Variants in P2RX5 observed in about 807,000 individuals in gnomAD.
The protein encoded by P2RX5 is purinergic receptor P2X 5, also known as P2X purinoceptor 5.
In P2RX5, 46 loss-of-function variants were observed where a neutral mutation model predicts 54.1. That is an observed-to-expected ratio of 0.85 (90% CI 0.67 to 1.09). The LOEUF is 1.09. Ranked by LOEUF, P2RX5 falls within the 50% of genes least tolerant of loss-of-function variation. The pLI is 0.00. For synonymous variants in P2RX5, 226 were observed against 226.4 expected (o/e 1.00, Z 0.02); for missense variants, 566 against 549.8 (o/e 1.03, Z -0.29).
At chr17:3,719,248 AAAAAAAAAG>A in the P2RX5 span, among the ~76,000 whole-genome samples, 11 of 145,664 alleles carry the variant, frequency 7.6e-5, 1 homozygote, top group African/African-American at 2.3e-4. Context: ...AAAAAAAAAA[AAAAAAAAAG>A]AAAAGAAAAG....
At chr17:3,712,717 C>T in the P2RX5 span, among the ~76,000 whole-genome samples, 93 of 152,260 alleles carry the variant, frequency 6.1e-4, 1 homozygote, top group African/African-American at 1.9e-3. Flanking sequence ...GAGCCTGAGG[C>T]GGGTGGATCA....
chr17:3,684,779 C>T (rs1158321131), intron 9 of P2RX5, among the ~76,000 whole-genome samples: 1 of 152,074 alleles, frequency 6.6e-6, no homozygotes, highest in African/African-American at 2.4e-5. Flanking sequence ...AATTCTCCCA[C>T]CCAAAAAGTC....
chr17:3,674,110 C>G (rs1024413727), intron 11 of P2RX5, among the ~76,000 whole-genome samples: 4 of 152,054 alleles, frequency 2.6e-5, no homozygotes, highest in Admixed American at 2.6e-4. Flanking sequence ...GTCAGGAGAT[C>G]GAGACCATCC....
chr17:3,705,702 A>G, the P2RX5 span, among the ~76,000 whole-genome samples: 2 of 152,208 alleles, frequency 1.3e-5, no homozygotes, highest in African/African-American at 4.8e-5. Flanking sequence ...GAACGAATGA[A>G]TGAAATTTCT....
upstream of P2RX5, among the ~76,000 whole-genome samples, chr17:3,700,512 G>A (rs1342414795): frequency 6.7e-6 from 1 of 149,414 alleles, no homozygotes; most frequent in African/African-American, 2.5e-5. Flanking sequence ...CAGCCTGGGC[G>A]ACAGAGTGAG....
intron 11 of P2RX5, among the ~76,000 whole-genome samples, chr17:3,675,145 T>C (rs2142994145): frequency 6.6e-6 from 1 of 152,260 alleles, no homozygotes; most frequent in Middle Eastern, 3.4e-3. Context: ...GTTCAAGCAA[T>C]TCTCCTGCCT....
the P2RX5 span, among the ~76,000 whole-genome samples, chr17:3,719,079 T>A: frequency 4.1e-5 from 6 of 146,354 alleles, no homozygotes; most frequent in Non-Finnish European, 7.4e-5. Context: ...TTAAAAAAAA[T>A]AAATAAATTA....
the P2RX5 span, among the ~76,000 whole-genome samples, chr17:3,709,693 TCACGAGGTCAG>T: frequency 6.6e-6 from 1 of 152,018 alleles, no homozygotes; most frequent in Non-Finnish European, 1.5e-5. Flanking sequence ...GGTGGGTGGA[TCACGAGGTCAG>T]GAGTTCGAGA....
chr17:3,688,813 C>T (rs1410430660), intron 7 of P2RX5, 54 bp from the exon 8 acceptor site: 10 of 1,600,480 alleles, frequency 6.2e-6, no homozygotes, highest in Non-Finnish European at 7.7e-6. Flanking sequence ...AGACGGACAG[C>T]ATCCCAGGCC....
intron 10 of P2RX5, among the ~76,000 whole-genome samples, chr17:3,680,933 A>ACCTAGTG (rs2050257829): frequency 1.0e-5 from 1 of 97,610 alleles, no homozygotes; most frequent in Non-Finnish European, 2.1e-5. Context: ...TCCACCCTGC[A>ACCTAGTG]TCCTCCACCC....
At chr17:3,703,715 G>T in the P2RX5 span, among the ~76,000 whole-genome samples, 1 of 152,032 alleles carries the variant, frequency 6.6e-6, no homozygotes, top group African/African-American at 2.4e-5. Context: ...TGGTGAGGGT[G>T]AAATAACACC....
chr17:3,701,711 A>AT, the P2RX5 span, among the ~76,000 whole-genome samples: 11 of 149,400 alleles, frequency 7.4e-5, no homozygotes, highest in Middle Eastern at 3.4e-3. Context: ...AAAAAAAAAA[A>AT]AAAAAAAAGG....
chr17:3,712,459 G>A, the P2RX5 span, among the ~76,000 whole-genome samples: 6 of 152,180 alleles, frequency 3.9e-5, no homozygotes, highest in Admixed American at 3.9e-4. Flanking sequence ...GTGTGAGGCA[G>A]GCAGAGGAGG....
At position 3,679,771 on chromosome 17, in the gene P2RX5, T is replaced by A; in HGVS notation, c.1078A>T (p.Ser360Cys). The stretch of plus-strand genomic sequence containing the variant: ...GCCTCGTCCTCGGCCTCCTGGGAAC[T>A]GTCTTCTAGGCCCCTGGACAAGATA... ...KYEEVRGLED[S>C]SQEAEDEASG... Residue 360 changes from serine to cysteine, a missense_variant, in exon 11 of 12, where the codon AGT (serine) becomes TGT (cysteine). By Grantham distance (112) the Ser-to-Cys change is moderately radical (BLOSUM62 -1). Coordinates refer to ENST00000225328, the MANE Select transcript of P2RX5 (RefSeq NM_002561.4). The A allele has an allele frequency of 6.2e-7, 1 of 1,610,566 alleles. No homozygotes were observed. The highest frequency in any genetic ancestry group is 8.5e-7 in the Non-Finnish European group (1 of 1,179,760).
chr17:3,723,207 C>T, the P2RX5 span: 1 of 975,840 alleles, frequency 1.0e-6, no homozygotes, highest in East Asian at 2.4e-5. Flanking sequence ...ACATGTTATG[C>T]AAAGATGCTA....
At position 3,691,748 on chromosome 17, in the gene P2RX5, G is replaced by A. The variant is rs1206341255; in HGVS notation, c.184C>T (p.Leu62=). The change falls in exon 2 of 12, where the codon CTG becomes TTG. Residue 62 remains leucine, a synonymous_variant. Transcript: ENST00000225328. ...KKGYQDVDTS[L]QSAVITKVKG... ...ACTTTGGTGATGACAGCACTCTGCA[G>A]GGAGGTGTCGACGTCTTGGTAACCC... The A allele has an allele frequency of 1.2e-6, 2 of 1,614,236 alleles. No individual in the cohort carries two copies. Among genetic ancestry groups the A allele is most frequent in the South Asian group, 2.2e-5 (2 of 91,086 alleles).
At chr17:3,690,030 C>T (rs1183962976) in intron 6 of P2RX5, 40 bp downstream of exon 6, 2 of 1,581,898 alleles carry the variant, frequency 1.3e-6, no homozygotes, top group East Asian at 2.2e-5. Flanking sequence ...CCTCATCGAC[C>T]AAGGCCCACC....
intron 11 of P2RX5, 25 bp downstream of exon 11, chr17:3,679,565 G>T (rs746491676): frequency 2.5e-6 from 4 of 1,601,336 alleles, no homozygotes; most frequent in Non-Finnish European, 1.7e-6. Context: ...CAGCTGTCGG[G>T]CTCTCTGCCT....
At position 3,673,320 on chromosome 17, in the gene P2RX5, C is replaced by T; in HGVS notation, c.*548G>A. The T allele has an allele frequency of 1.0e-6, 1 of 993,004 alleles. No homozygotes were observed. The highest frequency in any genetic ancestry group is 1.2e-6 in the Non-Finnish European group (1 of 833,750). The allele number at this position is 993,004 out of a possible 1,614,324, so 61.5% of individuals were successfully genotyped here. On this transcript the variant is annotated 3_prime_UTR_variant, in exon 12 of 12. Coordinates refer to ENST00000225328, the MANE Select transcript of P2RX5 (RefSeq NM_002561.4). ...GTCCCAGAAAGCGTCTGCCATCTCCCCCACTTTAATTCTGTGTACTGGCCT... is the reference window on the plus strand; with the variant it reads ...GTCCCAGAAAGCGTCTGCCATCTCCTCCACTTTAATTCTGTGTACTGGCCT...
Sources: gnomAD v4.1 joint callset for allele counts (sites outside exome capture counted in the v4.1 genomes callset) on GRCh38, gnomAD v4.1.1 for gene constraint, MANE v1.5 for transcripts, NCBI Gene and HGNC (gene_info 2026-07-23, HGNC 2026-07-21) for gene names.